Variants in GATAD2A observed in about 807,000 individuals in gnomAD.
GATAD2A encodes transcriptional repressor p66-alpha.
GATAD2A carries 12 observed loss-of-function variants against 68.5 expected under a neutral mutation model. The ratio of observed to expected loss-of-function variants is 0.18; its 90% confidence interval spans 0.11 to 0.28. GATAD2A has a LOEUF of 0.28. Among genes scored for constraint, GATAD2A ranks in the 10% least tolerant of loss-of-function variants. The probability of loss-of-function intolerance (pLI) is 1.00; values close to 1 mark genes in which losing one functional copy is unlikely to be tolerated. For synonymous variants in GATAD2A, 410 were observed against 375.3 expected (o/e 1.09, Z -1.07); for missense variants, 755 against 868.5 (o/e 0.87, Z 1.64).
exon 1 of GATAD2A, chr19:19,385,958 C>G (rs970314350): frequency 6.7e-6 from 1 of 148,448 alleles, no homozygotes; most frequent in African/African-American, 2.4e-5. Context: ...CCGAGCGCGC[C>G]CCGCGCCGCC....
intron 6 of GATAD2A, 73 bp from the exon 7 acceptor site, chr19:19,495,979 C>T: frequency 1.3e-6 from 2 of 1,581,400 alleles, no homozygotes; most frequent in Non-Finnish European, 1.7e-6. Context: ...GGGCAAGGTG[C>T]CCTGTGCCTT....
chr19:19,446,177 C>T (rs2055697354), intron 1 of GATAD2A, among the ~76,000 whole-genome samples: 1 of 152,230 alleles, frequency 6.6e-6, no homozygotes, highest in Non-Finnish European at 1.5e-5. Context: ...AATTTCTCTA[C>T]ATCCTTACCA....
intron 1 of GATAD2A, among the ~76,000 whole-genome samples, chr19:19,439,547 A>G (rs1388865960): frequency 1.3e-5 from 2 of 152,172 alleles, no homozygotes; most frequent in Non-Finnish European, 2.9e-5. Flanking sequence ...TATTTGCAAC[A>G]TCTAGCAAAA....
rs1600275386 is a variant in GATAD2A at position 19,492,381 on chromosome 19, G to A, written c.345G>A (p.Pro115=). The change falls in exon 3 of 12, where the codon CCG becomes CCA. Residue 115 remains proline (P), a synonymous_variant. Coordinates refer to ENST00000683918, the MANE Select transcript of GATAD2A (RefSeq NM_001384528.1). ...CCGACAACGAGCAGCCCTCGAGCCC[G>A]AGAGTGAATGGGCTGACCACGGTGG... The part of the protein sequence containing the change: ...VLSDNEQPSS[P]RVNGLTTVAL... The A allele has an allele frequency of 4.3e-6, 7 of 1,613,578 alleles. No homozygotes were observed. Among genetic ancestry groups the A allele is most frequent in the South Asian group, 1.1e-5 (1 of 90,990 alleles).
chr19:19,390,762 G>A (rs1451185348), intron 1 of GATAD2A, among the ~76,000 whole-genome samples: 1 of 152,216 alleles, frequency 6.6e-6, no homozygotes, highest in Non-Finnish European at 1.5e-5. Flanking sequence ...GACTGCTTGA[G>A]TGAGTGAGTC....
chr19:19,502,279 C>T (rs1283096252), intron 10 of GATAD2A, 52 bp from the exon 11 acceptor site: 3 of 1,381,926 alleles, frequency 2.2e-6, no homozygotes, highest in Non-Finnish European at 3.0e-6. Context: ...AGTGTCTCGC[C>T]TGCTGCTGTC....
intron 1 of GATAD2A, chr19:19,428,078 G>A (rs1004880569): frequency 1.3e-5 from 2 of 151,564 alleles, no homozygotes; most frequent in African/African-American, 2.4e-5. Flanking sequence ...TTTTTATTTC[G>A]AGACCAGTTC....
intron 1 of GATAD2A, among the ~76,000 whole-genome samples, chr19:19,435,875 C>T (rs1486834143): frequency 6.6e-6 from 1 of 152,156 alleles, no homozygotes; most frequent in African/African-American, 2.4e-5. Flanking sequence ...CTTTTTATGT[C>T]ACCATCTGTA....
intron 1 of GATAD2A, among the ~76,000 whole-genome samples, chr19:19,424,758 G>A (rs182416872): frequency 9.9e-4 from 151 of 152,294 alleles, no homozygotes; most frequent in African/African-American, 3.5e-3. Flanking sequence ...ATTGGTGAAG[G>A]AAGCATCCTC....
At chr19:19,495,033 T>A (rs1157681917) in intron 5 of GATAD2A, among the ~76,000 whole-genome samples, 1 of 152,230 alleles carries the variant, frequency 6.6e-6, no homozygotes, top group Non-Finnish European at 1.5e-5. Context: ...TCTTGCTCTG[T>A]TACCCAGGCT....
At chr19:19,451,924 GA>G in intron 1 of GATAD2A, among the ~76,000 whole-genome samples, 1 of 152,300 alleles carries the variant, frequency 6.6e-6, no homozygotes, top group Admixed American at 6.5e-5. Flanking sequence ...TTGCAGCCTT[GA>G]ACCCATGGAC....
chr19:19,396,670 A>G (rs893370977), intron 1 of GATAD2A, among the ~76,000 whole-genome samples: 1 of 152,254 alleles, frequency 6.6e-6, no homozygotes, highest in African/African-American at 2.4e-5. Flanking sequence ...GGCATGAGCC[A>G]CTGTGCGCGA....
At chr19:19,491,644 G>A (rs191599739) in intron 2 of GATAD2A, among the ~76,000 whole-genome samples, 104 of 152,316 alleles carry the variant, frequency 6.8e-4, no homozygotes, top group Admixed American at 2.5e-3. Flanking sequence ...TTTCAAAACA[G>A]ACAGCCACTG....
chr19:19,466,807 C>T lies in GATAD2A; in HGVS notation c.269+1193C>T, dbSNP rs139531990. 8.0e-3 allele frequency among the ~76,000 whole-genome samples: 1,222 copies of T among 152,324 alleles called. 9 individuals are homozygous for T. Among genetic ancestry groups the T allele is most frequent in the Non-Finnish European group, 0.012 (788 of 68,034 alleles). On this transcript the variant is annotated intron_variant, in intron 2 of 11. Transcript: ENST00000683918. ...AAAACCAAGGTCCTCTTCTAAAGTT[C>T]CAGAAATAAAACTATAGGTCCAAGT...
intron 2 of GATAD2A, among the ~76,000 whole-genome samples, chr19:19,465,858 C>T (rs2057825576): frequency 1.3e-5 from 2 of 152,236 alleles, no homozygotes; most frequent in South Asian, 2.1e-4. Context: ...TGGCACATTC[C>T]ATCAGCTCCC....
exon 1 of GATAD2A, chr19:19,386,034 G>T: frequency 1.3e-5 from 2 of 151,814 alleles, no homozygotes; most frequent in South Asian, 3.9e-4. Context: ...CGGCCGCCGC[G>T]GGCGCCACCT....
intron 1 of GATAD2A, among the ~76,000 whole-genome samples, chr19:19,461,199 C>T (rs956703835): frequency 4.3e-4 from 65 of 152,204 alleles, no homozygotes; most frequent in African/African-American, 1.4e-3. Flanking sequence ...CCACTTACTG[C>T]GAAGCCTCAC....
intron 1 of GATAD2A, among the ~76,000 whole-genome samples, chr19:19,456,113 C>T (rs1487632844): frequency 2.0e-5 from 3 of 148,850 alleles, no homozygotes; most frequent in Non-Finnish European, 4.4e-5. Flanking sequence ...GAGATCGCGC[C>T]ACTGCACTCC....
At chr19:19,428,932 G>T (rs139533918) in intron 1 of GATAD2A, among the ~76,000 whole-genome samples, 151 of 152,224 alleles carry the variant, frequency 9.9e-4, no homozygotes, top group African/African-American at 3.5e-3. Flanking sequence ...GGGCTGTGCC[G>T]TGCCCATGGC....
Sources: gnomAD v4.1 joint callset for allele counts (sites outside exome capture counted in the v4.1 genomes callset) on GRCh38, gnomAD v4.1.1 for gene constraint, MANE v1.5 for transcripts, NCBI Gene and HGNC (gene_info 2026-07-23, HGNC 2026-07-21) for gene names.